The following SLC9A9 variants were observed in gnomAD, a reference collection of about 807,000 sequenced individuals.
SLC9A9 encodes sodium/hydrogen exchanger 9.
SLC9A9 carries 62 observed loss-of-function variants against 77.8 expected under a neutral mutation model. That is an observed-to-expected ratio of 0.80 (90% CI 0.65 to 0.98). The LOEUF is 0.98. SLC9A9 is among the 50% of genes least tolerant of loss of function. The probability of loss-of-function intolerance (pLI) is 0.00; values close to 1 mark genes in which losing one functional copy is unlikely to be tolerated. For synonymous variants in SLC9A9, 320 were observed against 283.5 expected, an observed-to-expected ratio of 1.13 and a Z score of -1.29; for missense variants, 775 against 774.9, an observed-to-expected ratio of 1.00 and a Z score of 0.00.
chr3:143,540,985 T>C (rs1441441436), intron 9 of SLC9A9, among the ~76,000 whole-genome samples: 1 of 152,120 alleles, frequency 6.6e-6, no homozygotes, highest in Non-Finnish European at 1.5e-5. Context: ...ATATACGAAA[T>C]TAAAAGCACT....
rs146410732 is a variant in SLC9A9 at position 143,376,562 on chromosome 3, C to T, written c.1524+5498G>A. 2.3e-3 allele frequency among the ~76,000 whole-genome samples: 352 copies of T among 152,278 alleles called. 4 individuals carry two copies. Among genetic ancestry groups the T allele is most frequent in the Admixed American group, 8.1e-3 (124 of 15,298 alleles). On this transcript the variant is annotated intron_variant, in intron 13 of 15. Transcript: ENST00000316549. ...GTTAATCACTTAATATATAAAAATG[C>T]TTATTAAAGTATAGCTGCCACCTTC...
intron 12 of SLC9A9, among the ~76,000 whole-genome samples, chr3:143,385,274 A>G (rs1287341629): frequency 6.6e-6 from 1 of 152,100 alleles, no homozygotes; most frequent in African/African-American, 2.4e-5. Flanking sequence ...CTGACAGTCA[A>G]ATTTATTTTT....
intron 6 of SLC9A9, among the ~76,000 whole-genome samples, chr3:143,603,972 C>T (rs552941691): frequency 2.3e-4 from 35 of 152,270 alleles, no homozygotes; most frequent in Non-Finnish European, 4.1e-4. Flanking sequence ...TTGTCTATGA[C>T]GTCACTTCAT....
At chr3:143,738,925 C>T (rs1256825377) in intron 4 of SLC9A9, among the ~76,000 whole-genome samples, 2 of 152,180 alleles carry the variant, frequency 1.3e-5, no homozygotes, top group South Asian at 2.1e-4. Context: ...CTTCCTAGTA[C>T]ACTGATGTGT....
chr3:143,576,942 G>A (rs1177168386), intron 7 of SLC9A9, among the ~76,000 whole-genome samples: 1 of 152,144 alleles, frequency 6.6e-6, no homozygotes, highest in South Asian at 2.1e-4. Context: ...GCCTTTGACT[G>A]TCTCCTTTTC....
chr3:143,616,990 T>C (rs1308842661), intron 6 of SLC9A9, among the ~76,000 whole-genome samples: 1 of 151,940 alleles, frequency 6.6e-6, no homozygotes, highest in Non-Finnish European at 1.5e-5. Flanking sequence ...ATAAGAAGAA[T>C]GCTCAGGATG....
intron 6 of SLC9A9, among the ~76,000 whole-genome samples, chr3:143,584,336 G>T (rs1006544905): frequency 6.6e-6 from 1 of 152,058 alleles, no homozygotes. Flanking sequence ...CTCCCTGACC[G>T]GTCCTCTCAA....
chr3:143,812,428 T>C (rs2008893544), intron 2 of SLC9A9, among the ~76,000 whole-genome samples: 3 of 152,240 alleles, frequency 2.0e-5, no homozygotes, highest in Non-Finnish European at 4.4e-5. Context: ...AGGAAACTGC[T>C]CGCCTATGAA....
chr3:143,683,815 C>T (rs1225517299), intron 5 of SLC9A9, among the ~76,000 whole-genome samples: 1 of 151,988 alleles, frequency 6.6e-6, no homozygotes, highest in Admixed American at 6.6e-5. Context: ...CAACTTTAAC[C>T]AGGCAACTCA....
chr3:143,768,886 T>C (rs1398615648), intron 4 of SLC9A9, among the ~76,000 whole-genome samples: 1 of 152,234 alleles, frequency 6.6e-6, no homozygotes, highest in Non-Finnish European at 1.5e-5. Flanking sequence ...AGATGTTTTA[T>C]ATTGACATAT....
intron 5 of SLC9A9, chr3:143,655,681 TAC>T (rs4024568): frequency 0.38 from 237,216 of 624,788 alleles, 21,421 homozygotes; most frequent in Non-Finnish European, 0.4. Flanking sequence ...CATGCACATG[TAC>T]ACACACACAC....
At chr3:143,435,830 GTCC>G (rs1253289844) in intron 12 of SLC9A9, among the ~76,000 whole-genome samples, 2 of 152,070 alleles carry the variant, frequency 1.3e-5, no homozygotes, top group East Asian at 1.9e-4. Context: ...GTACACAAGT[GTCC>G]TCCTCTCCAC....
rs1576517265 is a variant in SLC9A9, at chr3:143,467,186, C to A, written c.1320G>T (p.Leu440Phe). ...NFQHMMMFSGLRGAIAFALAI... is the reference protein window; with the variant it reads ...NFQHMMMFSGFRGAIAFALAI... ...CTAAGGCAAATGCGATCGCTCCTCGCAAACCTTGCAGGAAAAACCAAAGGA... is the reference window on the plus strand; with the variant it reads ...CTAAGGCAAATGCGATCGCTCCTCGAAAACCTTGCAGGAAAAACCAAAGGA... The change falls in exon 12 of 16, where the codon TTG becomes TTT. Residue 440 changes from leucine to phenylalanine, a missense_variant. Coordinates refer to ENST00000316549, the MANE Select transcript of SLC9A9 (RefSeq NM_173653.4). 1 of 1,614,166 alleles carries A rather than the reference C, an allele frequency of 6.2e-7. No homozygotes were observed. Among genetic ancestry groups the A allele is most frequent in the Non-Finnish European group, 8.5e-7 (1 of 1,180,012 alleles).
intron 11 of SLC9A9, among the ~76,000 whole-genome samples, chr3:143,488,680 T>C (rs1282424429): frequency 1.3e-5 from 2 of 151,904 alleles, no homozygotes; most frequent in Non-Finnish European, 2.9e-5. Context: ...AGAAACATCA[T>C]TTGATAAAAT....
chr3:143,661,270 A>G (rs1325847826), intron 5 of SLC9A9, among the ~76,000 whole-genome samples: 1 of 152,168 alleles, frequency 6.6e-6, no homozygotes, highest in African/African-American at 2.4e-5. Context: ...AAATTTCTAC[A>G]ATAAATGTGC....
chr3:143,278,817 C>T (rs985779571), intron 14 of SLC9A9, among the ~76,000 whole-genome samples: 2 of 152,174 alleles, frequency 1.3e-5, no homozygotes, highest in African/African-American at 4.8e-5. Context: ...GAACACCTTG[C>T]TACTTCTAAG....
chr3:143,474,167 CTGGTG>C (rs2108574817), intron 11 of SLC9A9, among the ~76,000 whole-genome samples: 1 of 152,206 alleles, frequency 6.6e-6, no homozygotes, highest in South Asian at 2.1e-4. Context: ...AGGCCAATGC[CTGGTG>C]TGCTTAAGCT....
chr3:143,625,718 G>A lies in SLC9A9; in HGVS notation c.755+26537C>T, dbSNP rs1345835151. On this transcript the variant is annotated intron_variant, in intron 6 of 15. Transcript: ENST00000316549. ...ACATAAGCATGGGCAAAGACTTCAT[G>A]TCTAAAACACTAAAAGCAATGGCAA... is the stretch of plus-strand genomic sequence containing the variant. 2.0e-5 allele frequency among the ~76,000 whole-genome samples: 3 copies of A among 152,314 alleles called. No homozygotes were observed. The East Asian group carries it at 5.8e-4, about 29-fold the overall frequency.
chr3:143,394,014 C>T (rs1213061919), intron 12 of SLC9A9, among the ~76,000 whole-genome samples: 1 of 152,044 alleles, frequency 6.6e-6, no homozygotes, highest in African/African-American at 2.4e-5. Flanking sequence ...CCGAATTCTA[C>T]CAGAGGTACA....
Sources: gnomAD v4.1 joint callset for allele counts (sites outside exome capture counted in the v4.1 genomes callset) on GRCh38, gnomAD v4.1.1 for gene constraint, MANE v1.5 for transcripts, NCBI Gene and HGNC (gene_info 2026-07-23, HGNC 2026-07-21) for gene names.